Variants in DENND4C observed in about 807,000 individuals in gnomAD.
The protein encoded by DENND4C is DENN domain containing 4C, also known as DENN domain-containing protein 4C.
Under a neutral mutation model 203.0 loss-of-function variants are expected in DENND4C, and 108 were observed. The observed-to-expected ratio is 0.53, with a 90% CI of 0.46 to 0.62. The LOEUF (loss-of-function observed/expected upper bound fraction) is 0.62, where lower values mean the gene tolerates loss of function less well. Ranked by LOEUF, DENND4C falls within the 20% of genes least tolerant of loss-of-function variation. The probability of loss-of-function intolerance (pLI) is 0.00; values close to 1 mark genes in which losing one functional copy is unlikely to be tolerated. For missense variants in DENND4C, 2,481 were observed against 2,301.2 expected, an observed-to-expected ratio of 1.08 and a Z score of -1.60; for synonymous variants, 871 against 792.4, an observed-to-expected ratio of 1.10 and a Z score of -1.67.
At chr9:19,232,317 T>C (rs564329802) in intron 1 of DENND4C, among the ~76,000 whole-genome samples, 2 of 152,260 alleles carry the variant, frequency 1.3e-5, no homozygotes, top group African/African-American at 4.8e-5. Flanking sequence ...CACACTTTCC[T>C]CCGCATTGGT....
chr9:19,346,955 G>T lies in DENND4C; in HGVS notation c.4186G>T (p.Gly1396Trp). 1.2e-6 allele frequency: 2 copies of T among 1,614,164 alleles called. No individual in the cohort carries two copies. The highest frequency in any genetic ancestry group is 8.5e-7 in the Non-Finnish European group (1 of 1,180,034). Residue 1396 changes from glycine (G) to tryptophan (W), a missense_variant, in exon 23 of 33, where the codon GGG (glycine) becomes TGG (tryptophan). This residue lies in a region of DENND4C where 2,289 missense variants were observed against 2,113.3 expected (regional missense o/e 1.08). Coordinates refer to ENST00000434457, the MANE Select transcript of DENND4C (RefSeq NM_001330640.2). ...SLGSVVNSLS[G>W]LKLDNILSGP... Reference sequence around the variant, plus strand: ...GGGTTCTGTAGTAAATTCTTTGTCAGGGCTAAAGCTGGATAATATACTCTC... The same window carrying T: ...GGGTTCTGTAGTAAATTCTTTGTCATGGCTAAAGCTGGATAATATACTCTC...
intron 10 of DENND4C, among the ~76,000 whole-genome samples, chr9:19,314,137 G>A (rs796982553): frequency 5.9e-5 from 9 of 152,042 alleles, no homozygotes; most frequent in African/African-American, 1.2e-4. Context: ...GGGGGAAAGG[G>A]TGGAAGGAGG....
rs1274325929 is a variant in DENND4C at position 19,360,260 on chromosome 9, G to T, written c.5177G>T (p.Arg1726Ile). ...LQEVVDPLGK[R>I]PNPPPVSVPY... is the part of the protein sequence containing the mutation. Reference sequence around the variant, plus strand: ...TTTTTTAAGGATCCTTTAGGAAAAAGACCCAATCCTCCCCCTGTTTCTGTG... The same window carrying T: ...TTTTTTAAGGATCCTTTAGGAAAAATACCCAATCCTCCCCCTGTTTCTGTG... Residue 1726 changes from arginine to isoleucine, a missense_variant, in exon 29 of 33, where the codon AGA becomes ATA. This residue lies in a region of DENND4C where 2,289 missense variants were observed against 2,113.3 expected (regional missense o/e 1.08). Coordinates refer to ENST00000434457, the MANE Select transcript of DENND4C (RefSeq NM_001330640.2). The T allele has an allele frequency of 6.2e-7, 1 of 1,612,422 alleles. No individual in the cohort carries two copies. Among genetic ancestry groups the T allele is most frequent in the Admixed American group, 1.7e-5 (1 of 59,638 alleles).
chr9:19,259,232 T>G (rs2131734300), intron 1 of DENND4C, among the ~76,000 whole-genome samples: 1 of 152,248 alleles, frequency 6.6e-6, no homozygotes, highest in East Asian at 1.9e-4. Context: ...CCGTCTCCAT[T>G]CCGCCCCCGC....
chr9:19,282,945 C>G lies in DENND4C; in HGVS notation c.306-3824C>G, dbSNP rs542009860. 4.0e-3 allele frequency among the ~76,000 whole-genome samples: 614 copies of G among 152,076 alleles called. 2 individuals are homozygous for G. Among genetic ancestry groups the G allele is most frequent in the Non-Finnish European group, 7.3e-3 (496 of 67,966 alleles). Reference sequence around the variant, plus strand: ...TATTGGCCAGGCTGGTTTTGAACTCCTGACCTCAAGTGATCCACCCATCTT... The same window carrying G: ...TATTGGCCAGGCTGGTTTTGAACTCGTGACCTCAAGTGATCCACCCATCTT... On this transcript the variant is annotated intron_variant, in intron 2 of 32. Coordinates refer to ENST00000434457, the MANE Select transcript of DENND4C (RefSeq NM_001330640.2).
chr9:19,365,313 C>T (rs2132275493), intron 30 of DENND4C, among the ~76,000 whole-genome samples: 1 of 152,238 alleles, frequency 6.6e-6, no homozygotes, highest in African/African-American at 2.4e-5. Context: ...GTGATCATCT[C>T]AGGAGGCACA....
chr9:19,363,856 T>C (rs913156788), intron 30 of DENND4C, among the ~76,000 whole-genome samples: 7 of 151,270 alleles, frequency 4.6e-5, no homozygotes, highest in Non-Finnish European at 8.9e-5. Context: ...ACTAAAAATA[T>C]AAAAAAAATT....
At chr9:19,333,940 G>T (rs1392298136) in intron 17 of DENND4C, among the ~76,000 whole-genome samples, 2 of 152,186 alleles carry the variant, frequency 1.3e-5, no homozygotes, top group African/African-American at 4.8e-5. Flanking sequence ...TATTTGTTCT[G>T]TAGGCATTTT....
intron 1 of DENND4C, among the ~76,000 whole-genome samples, chr9:19,257,701 G>A (rs34391506): frequency 1.3e-5 from 2 of 152,118 alleles, no homozygotes; most frequent in African/African-American, 2.4e-5. Context: ...AATTAGAGAG[G>A]TGACATCACT....
intron 6 of DENND4C, among the ~76,000 whole-genome samples, chr9:19,296,928 T>A (rs1837591215): frequency 1.3e-5 from 2 of 152,224 alleles, no homozygotes; most frequent in Admixed American, 1.3e-4. Context: ...TAATTGATGT[T>A]AAAAGTGGAG....
chr9:19,325,581 A>G (rs1243710961), intron 13 of DENND4C, among the ~76,000 whole-genome samples: 1 of 152,294 alleles, frequency 6.6e-6, no homozygotes, highest in East Asian at 1.9e-4. Context: ...TTTATTTACA[A>G]AATTGATATT....
Position 19,336,809 on chromosome 9 carries a change from C to G in DENND4C, c.2858C>G (p.Ser953Cys), listed in dbSNP as rs774784090. 3 of 1,550,596 alleles carry G rather than the reference C, an allele frequency of 1.9e-6. No homozygotes were observed. The highest frequency in any genetic ancestry group is 8.7e-7 in the Non-Finnish European group (1 of 1,146,932). ...GTCAGAGATTTAATCAGGCTTGAGT[C>G]CATTGATAATCACTCTAGCACAGGT... ...VFVRDLIRLESIDNHSSTGGQ... is the reference protein window; with the variant it reads ...VFVRDLIRLECIDNHSSTGGQ... Residue 953 changes from serine (S) to cysteine (C), a missense_variant, in exon 20 of 33, where the codon TCC becomes TGC. Around this residue, in one of 3 missense-constraint regions of DENND4C, gnomAD observed 2,289 missense variants for 2,113.3 expected, o/e 1.08. Coordinates refer to ENST00000434457, the MANE Select transcript of DENND4C (RefSeq NM_001330640.2).
At chr9:19,236,457 T>A (rs140254173) in intron 1 of DENND4C, among the ~76,000 whole-genome samples, 24 of 152,320 alleles carry the variant, frequency 1.6e-4, no homozygotes, top group African/African-American at 5.5e-4. Flanking sequence ...AGGGAGTGGG[T>A]ATGAAGCTGG....
rs944522437 is a variant in DENND4C, at chr9:19,312,887, A to G, written c.1488-3530A>G. The stretch of plus-strand genomic sequence containing the variant: ...TTATGTTAGATATATTATGTTTGGT[A>G]TATCTTTTCCCATCCCTTTAATTTC... On this transcript the variant is annotated intron_variant, in intron 10 of 32. Coordinates refer to ENST00000434457, the MANE Select transcript of DENND4C (RefSeq NM_001330640.2). Among the ~76,000 whole-genome samples the G allele has an allele frequency of 3.9e-5, 6 of 152,170 alleles. No individual in the cohort carries two copies. In the South Asian group the frequency reaches 8.3e-4, roughly 21 times the overall value.
intron 1 of DENND4C, among the ~76,000 whole-genome samples, chr9:19,232,203 A>G (rs1015924837): frequency 2.6e-5 from 4 of 152,232 alleles, no homozygotes; most frequent in Non-Finnish European, 5.9e-5. Flanking sequence ...GAAGTCGGCA[A>G]TGAAGTTAGA....
Position 19,299,231 on chromosome 9 carries a change from G to A in DENND4C, c.1110G>A (p.Leu370=). 6.6e-7 allele frequency: 1 copy of A among 1,517,758 alleles called. No homozygotes were observed. Among genetic ancestry groups the A allele is most frequent in the Non-Finnish European group, 8.8e-7 (1 of 1,131,654 alleles). 94.0% of individuals were successfully genotyped at this position (1,517,758 alleles called of 1,614,324 possible). ...TTTATCTTTTTTTTTTTTTTAAGCT[G>A]TCAGTCCATGATGCATTAATATTAT... ...SPQRPRILVQ[L]SVHDALILSQ... Residue 370 remains leucine (L), a splice_region_variant and synonymous_variant, in exon 8 of 33, where the codon CTG becomes CTA. Transcript: ENST00000434457.
At position 19,346,517 on chromosome 9, in the gene DENND4C, C is replaced by T. The variant is rs1293268907; in HGVS notation, c.3748C>T (p.Leu1250=). 3.1e-6 allele frequency: 5 copies of T among 1,614,154 alleles called. No individual in the cohort carries two copies. In the East Asian group the frequency reaches 8.9e-5, roughly 29 times the overall value. The change falls in exon 23 of 33, where the codon CTA becomes TTA. Residue 1250 remains leucine (L), a synonymous_variant. Coordinates refer to ENST00000434457, the MANE Select transcript of DENND4C (RefSeq NM_001330640.2). ...TCAGAGGGAAGATGTTGAAACTGGACTAGATCCTTTGTCTCTTTTAGCCAC... is the reference window on the plus strand; with the variant it reads ...TCAGAGGGAAGATGTTGAAACTGGATTAGATCCTTTGTCTCTTTTAGCCAC... The part of the protein sequence containing the change: ...VVQREDVETG[L]DPLSLLATEC...
At chr9:19,278,218 C>G (rs1833302020) in intron 2 of DENND4C, among the ~76,000 whole-genome samples, 3 of 151,980 alleles carry the variant, frequency 2.0e-5, no homozygotes, top group Non-Finnish European at 4.4e-5. Flanking sequence ...TCACTGCAAC[C>G]TCCGCCTCCC....
intron 9 of DENND4C, among the ~76,000 whole-genome samples, chr9:19,303,251 C>T (rs937283734): frequency 6.6e-6 from 1 of 152,130 alleles, no homozygotes; most frequent in African/African-American, 2.4e-5. Flanking sequence ...TTTGGATTTT[C>T]AGGTTAGGGA....
Sources: allele counts gnomAD v4.1 joint callset (sites outside exome capture counted in the v4.1 genomes callset), GRCh38; gene constraint gnomAD v4.1.1; regional missense constraint gnomAD v4.1.1; transcripts MANE v1.5; gene names NCBI Gene and HGNC (gene_info 2026-07-23, HGNC 2026-07-21).